The following CFAP299 variants were observed in gnomAD, a reference collection of about 807,000 sequenced individuals.
The protein encoded by CFAP299 is cilia- and flagella-associated protein 299.
In CFAP299, 21 loss-of-function variants were observed where a neutral mutation model predicts 27.0. That is an observed-to-expected ratio of 0.78 (90% CI 0.55 to 1.12). The LOEUF (loss-of-function observed/expected upper bound fraction) is 1.12, where lower values mean the gene tolerates loss of function less well. CFAP299 is among the 50% of genes most tolerant of loss of function. The probability of loss-of-function intolerance (pLI) is 0.00; values close to 1 mark genes in which losing one functional copy is unlikely to be tolerated. For synonymous variants in CFAP299, 104 were observed against 98.1 expected (o/e 1.06, Z -0.36); for missense variants, 310 against 276.6 (o/e 1.12, Z -0.86).
At chr4:80,348,018 T>G (rs1722826433) in intron 1 of CFAP299, among the ~76,000 whole-genome samples, 2 of 152,178 alleles carry the variant, frequency 1.3e-5, no homozygotes, top group South Asian at 4.1e-4. Flanking sequence ...CATCTCATCT[T>G]TGACAAACCT....
chr4:80,575,934 G>C (rs1469130455), intron 2 of CFAP299, among the ~76,000 whole-genome samples: 1 of 151,852 alleles, frequency 6.6e-6, no homozygotes, highest in African/African-American at 2.4e-5. Flanking sequence ...ACTATCGCAA[G>C]GACAAAAAAC....
intron 2 of CFAP299, among the ~76,000 whole-genome samples, chr4:80,556,072 T>C (rs1037619916): frequency 1.3e-5 from 2 of 152,066 alleles, no homozygotes; most frequent in African/African-American, 4.8e-5. Flanking sequence ...ATACAAATTG[T>C]TTTTGTCTTC....
At chr4:80,894,638 A>T (rs1041591955) in intron 4 of CFAP299, among the ~76,000 whole-genome samples, 3 of 151,946 alleles carry the variant, frequency 2.0e-5, no homozygotes, top group African/African-American at 4.8e-5. Context: ...GAGATTCCTT[A>T]AAAAATTTAA....
chr4:80,399,375 T>C (rs1199746100), intron 2 of CFAP299, among the ~76,000 whole-genome samples: 1 of 152,132 alleles, frequency 6.6e-6, no homozygotes, highest in Non-Finnish European at 1.5e-5. Flanking sequence ...CAGGCTGCTA[T>C]ACAGACACAT....
intron 4 of CFAP299, among the ~76,000 whole-genome samples, chr4:80,914,001 A>G (rs532484774): frequency 8.3e-4 from 127 of 152,282 alleles, no homozygotes; most frequent in African/African-American, 2.9e-3. Flanking sequence ...TTTGAGAGTC[A>G]TCCATGCGTT....
chr4:80,660,815 C>T (rs1308296340), intron 3 of CFAP299, among the ~76,000 whole-genome samples: 1 of 152,052 alleles, frequency 6.6e-6, no homozygotes, highest in Non-Finnish European at 1.5e-5. Flanking sequence ...TAGCAGCCAT[C>T]CACAGTTTTG....
chr4:80,333,103 T>C (rs1722000353), upstream of CFAP299, among the ~76,000 whole-genome samples: 1 of 152,150 alleles, frequency 6.6e-6, no homozygotes. Flanking sequence ...AAATTTTCCT[T>C]TCACACTGTC....
At chr4:80,473,675 T>A (rs1730126021) in intron 2 of CFAP299, among the ~76,000 whole-genome samples, 3 of 152,108 alleles carry the variant, frequency 2.0e-5, no homozygotes, top group Admixed American at 2.0e-4. Context: ...AGCTCAAGCC[T>A]TCTTCCCGCC....
intron 2 of CFAP299, among the ~76,000 whole-genome samples, chr4:80,404,917 A>G (rs1425607483): frequency 3.9e-5 from 6 of 152,102 alleles, no homozygotes; most frequent in South Asian, 4.1e-4. Context: ...AAGTGTTCCA[A>G]TTTCTCTGCA....
chr4:80,398,412 G>A (rs1440375337), intron 2 of CFAP299, among the ~76,000 whole-genome samples: 1 of 152,136 alleles, frequency 6.6e-6, no homozygotes, highest in African/African-American at 2.4e-5. Flanking sequence ...AAAGGTGGAG[G>A]CATTACGCTA....
intron 2 of CFAP299, among the ~76,000 whole-genome samples, chr4:80,477,521 C>G (rs1320191763): frequency 6.6e-6 from 1 of 152,142 alleles, no homozygotes; most frequent in East Asian, 1.9e-4. Context: ...TGAGCTTGTT[C>G]ACCGCCATGC....
rs77759676 is a variant in CFAP299 at position 80,881,832 on chromosome 4, C to T, written c.476+11697C>T. On this transcript the variant is annotated intron_variant, in intron 4 of 5. Coordinates refer to ENST00000358105, the MANE Select transcript of CFAP299 (RefSeq NM_152770.3). Reference sequence around the variant, plus strand: ...AGGTGCTCAGTGAGTTACAAGAGAACGTGGATAGACAGCTGAACATAATCT... The same window carrying T: ...AGGTGCTCAGTGAGTTACAAGAGAATGTGGATAGACAGCTGAACATAATCT... Among the ~76,000 whole-genome samples, 1,120 of 152,092 alleles carry T rather than the reference C, an allele frequency of 7.4e-3. 5 individuals are homozygous for T. Among genetic ancestry groups the T allele is most frequent in the Middle Eastern group, 0.017 (5 of 294 alleles).
chr4:80,705,103 A>G (rs956507004), intron 3 of CFAP299, among the ~76,000 whole-genome samples: 5 of 151,756 alleles, frequency 3.3e-5, no homozygotes, highest in African/African-American at 1.2e-4. Flanking sequence ...AGAGAGAAAA[A>G]CACGACCTTC....
chr4:80,566,926 T>A (rs1398115277), intron 2 of CFAP299, among the ~76,000 whole-genome samples: 1 of 152,056 alleles, frequency 6.6e-6, no homozygotes, highest in Non-Finnish European at 1.5e-5. Flanking sequence ...TATTTAAGTA[T>A]TAACTAGAGA....
chr4:80,698,006 T>C (rs1721221195), intron 3 of CFAP299, among the ~76,000 whole-genome samples: 1 of 152,184 alleles, frequency 6.6e-6, no homozygotes, highest in African/African-American at 2.4e-5. Flanking sequence ...CCCAAGCCAA[T>C]ATGTTTAAAC....
In CFAP299 at chr4:80,576,325, A is replaced by G. The variant is rs377540496; in HGVS notation, c.243-6768A>G. On this transcript the variant is annotated intron_variant, in intron 2 of 5. Transcript: ENST00000358105. ...TTTTCTCCTAATTTATATAAAGGAT[A>G]AAACAGAAAAATGTCATGTTTTCTG... is the stretch of plus-strand genomic sequence containing the variant. Among the ~76,000 whole-genome samples the G allele has an allele frequency of 9.0e-4, 137 of 151,812 alleles. No individual in the cohort carries two copies. The South Asian group carries it at 0.018, about 20-fold the overall frequency.
chr4:80,709,990 C>T (rs914497637), intron 3 of CFAP299, among the ~76,000 whole-genome samples: 2 of 152,070 alleles, frequency 1.3e-5, no homozygotes, highest in Non-Finnish European at 2.9e-5. Context: ...TGATCTAGGG[C>T]AAGCTGCTTA....
intron 4 of CFAP299, among the ~76,000 whole-genome samples, chr4:80,896,526 C>CT (rs138609011): frequency 0.12 from 18,923 of 152,032 alleles, 2,484 homozygotes; most frequent in African/African-American, 0.33. Context: ...CTTACTGGCC[C>CT]TCTTTTCAAG....
chr4:80,894,850 C>A (rs1734536930), intron 4 of CFAP299, among the ~76,000 whole-genome samples: 1 of 151,672 alleles, frequency 6.6e-6, no homozygotes, highest in Non-Finnish European at 1.5e-5. Context: ...AAGAAGAAAA[C>A]ACTATTATTT....
Sources: allele counts gnomAD v4.1 joint callset (sites outside exome capture counted in the v4.1 genomes callset), GRCh38; gene constraint gnomAD v4.1.1; transcripts MANE v1.5; gene names NCBI Gene and HGNC (gene_info 2026-07-23, HGNC 2026-07-21).